Variants in SPTLC2 observed in about 807,000 individuals in gnomAD.
SPTLC2 encodes the protein serine palmitoyltransferase 2.
A neutral mutation model predicts 62.0 loss-of-function variants in SPTLC2; 21 were observed. That is an observed-to-expected ratio of 0.34 (90% CI 0.24 to 0.49). The LOEUF is 0.49. SPTLC2 is among the 20% of genes least tolerant of loss of function. The pLI, the probability that SPTLC2 is intolerant of heterozygous loss-of-function variation, is 0.99. For missense variants in SPTLC2, 511 were observed against 713.0 expected, an observed-to-expected ratio of 0.72 and a Z score of 3.23; for synonymous variants, 261 against 261.8, an observed-to-expected ratio of 1.00 and a Z score of 0.03.
chr14:77,583,745 TC>T (rs1358619015), intron 2 of SPTLC2, among the ~76,000 whole-genome samples: 4 of 152,126 alleles, frequency 2.6e-5, no homozygotes, highest in African/African-American at 9.7e-5. Context: ...ACCTCTACAC[TC>T]CCTAAGAACT....
rs573959019 is a variant in SPTLC2 at position 77,552,180 on chromosome 14, A to G, written c.1219T>C (p.Tyr407His). ...YLRTHSHSAV[Y>H]ATSLSPPVVE... ...ACAGGAGGTGACAATGACGTGGCAT[A>G]CACTGCACTATGAGAATGTGTTCGC... Residue 407 changes from tyrosine (Y) to histidine (H), a missense_variant, in exon 9 of 12, where the codon TAT becomes CAT. Transcript: ENST00000216484. 1 of 1,614,202 alleles carries G rather than the reference A, an allele frequency of 6.2e-7. No homozygotes were observed. The highest frequency in any genetic ancestry group is 1.3e-5 in the African/African-American group (1 of 75,058).
In SPTLC2 at chr14:77,521,405, G is replaced by A. The variant is rs759995775; in HGVS notation, c.1439+41C>T. On this transcript the variant is annotated intron_variant, in intron 10 of 11. Transcript: ENST00000216484. ...AGCCCTGGTCTCACATCACAGATAAGGATAAGGACAGACTGGTCTGTGATC... is the reference window on the plus strand; with the variant it reads ...AGCCCTGGTCTCACATCACAGATAAAGATAAGGACAGACTGGTCTGTGATC... The A allele has an allele frequency of 1.9e-6, 3 of 1,613,850 alleles. No individual in the cohort carries two copies. In the South Asian group the frequency reaches 3.3e-5, roughly 18 times the overall value.
intron 4 of SPTLC2, 110 bp downstream of exon 4, chr14:77,576,657 T>A (rs1301814262): frequency 1.2e-5 from 17 of 1,457,120 alleles, no homozygotes. Context: ...CTTATCTAAA[T>A]GACATGACAA....
At chr14:77,525,052 ACT>A (rs1348218919) in intron 9 of SPTLC2, among the ~76,000 whole-genome samples, 1 of 152,120 alleles carries the variant, frequency 6.6e-6, no homozygotes, top group African/African-American at 2.4e-5. Context: ...TATCCAAAAT[ACT>A]CTGATTTGAT....
chr14:77,602,203 C>A (rs1384973300), intron 1 of SPTLC2, among the ~76,000 whole-genome samples: 1 of 152,216 alleles, frequency 6.6e-6, no homozygotes. Context: ...GTCTACACTG[C>A]AATCCCAAAT....
At chr14:77,518,503 A>G (rs1469274957) in intron 10 of SPTLC2, among the ~76,000 whole-genome samples, 1 of 151,660 alleles carries the variant, frequency 6.6e-6, no homozygotes, top group Non-Finnish European at 1.5e-5. Flanking sequence ...AGGCTGAGGC[A>G]TGAGAATCTC....
intron 9 of SPTLC2, among the ~76,000 whole-genome samples, chr14:77,530,135 T>C (rs1046731454): frequency 2.6e-5 from 4 of 152,172 alleles, no homozygotes; most frequent in Non-Finnish European, 4.4e-5. Flanking sequence ...CTTGGACTTA[T>C]GTGGAGGAGG....
intron 2 of SPTLC2, among the ~76,000 whole-genome samples, chr14:77,584,115 A>G (rs1242571897): frequency 2.0e-5 from 3 of 152,242 alleles, no homozygotes; most frequent in African/African-American, 4.8e-5. Context: ...GGACATCTCA[A>G]TAAGAAGCCA....
chr14:77,615,141 C>T (rs1462882337), intron 1 of SPTLC2, among the ~76,000 whole-genome samples: 2 of 152,210 alleles, frequency 1.3e-5, no homozygotes, highest in Non-Finnish European at 2.9e-5. Context: ...TATTCCACTG[C>T]TTATAATGAG....
At chr14:77,613,236 A>G (rs1023153786) in intron 1 of SPTLC2, among the ~76,000 whole-genome samples, 2 of 152,254 alleles carry the variant, frequency 1.3e-5, no homozygotes, top group South Asian at 2.1e-4. Flanking sequence ...AAAACAGTAC[A>G]GAATTTTCTA....
In SPTLC2 at chr14:77,506,535, G is replaced by A. The variant is rs147399599; in HGVS notation, c.*5749C>T. ...AGGGTGGGTTCCAGTGTCCTGTGAA[G>A]AACCAGCAAGGATGCTTTTTATAAT... On this transcript the variant is annotated 3_prime_UTR_variant, in exon 12 of 12. Coordinates refer to ENST00000216484, the MANE Select transcript of SPTLC2 (RefSeq NM_004863.4). 6.6e-6 allele frequency: 1 copy of A among 152,220 alleles called. No homozygotes were observed. Among genetic ancestry groups the A allele is most frequent in the Non-Finnish European group, 1.5e-5 (1 of 68,064 alleles). The allele number at this position is 152,220 out of a possible 1,614,324, so 9.4% of individuals were successfully genotyped here. A position where few individuals can be genotyped will look rare whatever the true frequency, so the allele number is the denominator to read the frequency against.
At chr14:77,538,646 A>G (rs1374443457) in intron 9 of SPTLC2, among the ~76,000 whole-genome samples, 1 of 152,056 alleles carries the variant, frequency 6.6e-6, no homozygotes, top group African/African-American at 2.4e-5. Context: ...TCTTGGCTCA[A>G]TGCTACCTCT....
intron 9 of SPTLC2, among the ~76,000 whole-genome samples, chr14:77,538,593 C>CA (rs2079483013): frequency 6.6e-6 from 1 of 151,946 alleles, no homozygotes; most frequent in Non-Finnish European, 1.5e-5. Context: ...TTTTTTGAGA[C>CA]AGAGTCTTGC....
At chr14:77,591,135 A>G (rs1173341353) in intron 2 of SPTLC2, among the ~76,000 whole-genome samples, 2 of 152,362 alleles carry the variant, frequency 1.3e-5, no homozygotes, top group East Asian at 1.9e-4. Context: ...TTATTCAGCA[A>G]TAGGAAGCAA....
intron 1 of SPTLC2, among the ~76,000 whole-genome samples, chr14:77,616,142 G>C (rs1359724007): frequency 6.6e-6 from 1 of 152,184 alleles, no homozygotes; most frequent in Non-Finnish European, 1.5e-5. Context: ...GCCCCTCATC[G>C]CTTCCCCTGG....
intron 1 of SPTLC2, among the ~76,000 whole-genome samples, chr14:77,603,347 G>A (rs540141404): frequency 2.0e-5 from 3 of 152,182 alleles, no homozygotes; most frequent in South Asian, 4.2e-4. Context: ...TCCATTAAAC[G>A]AACCCTATTC....
intron 2 of SPTLC2, among the ~76,000 whole-genome samples, chr14:77,582,854 T>C (rs1038424238): frequency 2.0e-5 from 3 of 152,150 alleles, no homozygotes; most frequent in African/African-American, 7.2e-5. Context: ...CTTTACTCCT[T>C]AGCTAAGCTC....
chr14:77,550,918 G>GA (rs11452479), intron 9 of SPTLC2, among the ~76,000 whole-genome samples: 126,963 of 138,852 alleles, frequency 0.91, 58,846 homozygotes, highest in Middle Eastern at 0.99. Context: ...ACAAAAACCA[G>GA]AAAAAAAAAA....
intron 6 of SPTLC2, among the ~76,000 whole-genome samples, chr14:77,559,499 T>C (rs928282989): frequency 6.6e-6 from 1 of 152,084 alleles, no homozygotes; most frequent in Non-Finnish European, 1.5e-5. Flanking sequence ...GAGGAGGGTA[T>C]TGTGTAAAAT....
Sources: allele counts gnomAD v4.1 joint callset (sites outside exome capture counted in the v4.1 genomes callset), GRCh38; gene constraint gnomAD v4.1.1; transcripts MANE v1.5; gene names NCBI Gene and HGNC (gene_info 2026-07-23, HGNC 2026-07-21).